Variants in TBC1D21 observed in about 807,000 individuals in gnomAD.
TBC1D21 encodes the protein TBC1 domain family member 21.
TBC1D21 carries 38 observed loss-of-function variants against 46.0 expected under a neutral mutation model. The ratio of observed to expected loss-of-function variants is 0.83; its 90% CI spans 0.64 to 1.08. The LOEUF is 1.08. Ranked by LOEUF, TBC1D21 falls within the 50% of genes least tolerant of loss-of-function variation. TBC1D21 has a pLI of 0.00. For synonymous variants in TBC1D21, 151 were observed against 157.2 expected (o/e 0.96, Z 0.29); for missense variants, 415 against 417.9 (o/e 0.99, Z 0.06).
chr15:73,898,058 G>T, the TBC1D21 span, among the ~76,000 whole-genome samples: 1 of 152,202 alleles, frequency 6.6e-6, no homozygotes, highest in African/African-American at 2.4e-5. Context: ...AGGAGAGCAG[G>T]GACCTCAGCT....
chr15:73,900,583 C>T, the TBC1D21 span, among the ~76,000 whole-genome samples: 1 of 152,166 alleles, frequency 6.6e-6, no homozygotes, highest in Admixed American at 6.5e-5. Context: ...TCGCTGGATC[C>T]AGGGAGTCAT....
At chr15:73,877,331 C>A (rs1213380915) in intron 1 of TBC1D21, among the ~76,000 whole-genome samples, 1 of 151,524 alleles carries the variant, frequency 6.6e-6, no homozygotes, top group Non-Finnish European at 1.5e-5. Context: ...CTATAAATTC[C>A]TAATTTTTAA....
the TBC1D21 span, among the ~76,000 whole-genome samples, chr15:73,898,421 C>A: frequency 6.6e-6 from 1 of 152,132 alleles, no homozygotes; most frequent in Non-Finnish European, 1.5e-5. Context: ...TGGTTTTCTA[C>A]GCCCAAGACC....
chr15:73,895,680 G>A, the TBC1D21 span, among the ~76,000 whole-genome samples: 3 of 152,142 alleles, frequency 2.0e-5, no homozygotes, highest in Non-Finnish European at 2.9e-5. Flanking sequence ...CAGATTAATG[G>A]CCTCAATCTT....
downstream of TBC1D21, among the ~76,000 whole-genome samples, chr15:73,889,954 A>G (rs1459183018): frequency 6.6e-6 from 1 of 152,194 alleles, no homozygotes; most frequent in African/African-American, 2.4e-5. Context: ...CTGAAACTGC[A>G]GAAGGGTTGG....
At position 73,877,551 on chromosome 15, in the gene TBC1D21, GAAAT is replaced by G. The variant is rs2068089526; in HGVS notation, c.60+3783_60+3786del. Among the ~76,000 whole-genome samples, 3 of 74,976 alleles carry G rather than the reference GAAAT, an allele frequency of 4.0e-5. 1 individual carries two copies. The highest frequency in any genetic ancestry group is 2.5e-5 in the Non-Finnish European group (1 of 39,466). 49.2% of individuals were successfully genotyped at this position (74,976 alleles called of 152,430 possible). On this transcript the variant is annotated intron_variant, in intron 1 of 10. Coordinates refer to ENST00000300504, the MANE Select transcript of TBC1D21 (RefSeq NM_153356.3). ...AAAAAAAAAAAAAAAAAAAAAAAAAGAAATCCCTACTCATTTTATGAGGCCAACA... is the reference window on the plus strand; with the variant it reads ...AAAAAAAAAAAAAAAAAAAAAAAAAGCCCTACTCATTTTATGAGGCCAACA...
chr15:73,899,643 A>G, the TBC1D21 span, among the ~76,000 whole-genome samples: 2 of 152,074 alleles, frequency 1.3e-5, no homozygotes, highest in Non-Finnish European at 2.9e-5. Flanking sequence ...CAGAGGAGAG[A>G]AAAGAGGAAC....
intron 3 of TBC1D21, 144 bp from the exon 4 acceptor site, chr15:73,884,007 G>T: frequency 1.4e-6 from 1 of 720,916 alleles, no homozygotes; most frequent in African/African-American, 1.7e-5. Flanking sequence ...AGGTTGAGAT[G>T]AGGGACAGCA....
chr15:73,900,613 C>T, the TBC1D21 span, among the ~76,000 whole-genome samples: 1 of 152,164 alleles, frequency 6.6e-6, no homozygotes, highest in African/African-American at 2.4e-5. Flanking sequence ...GTCTCAGGCC[C>T]AGGCACAAAG....
At chr15:73,900,907 G>C in the TBC1D21 span, among the ~76,000 whole-genome samples, 1 of 152,136 alleles carries the variant, frequency 6.6e-6, no homozygotes, top group Non-Finnish European at 1.5e-5. Flanking sequence ...AATAGCTACG[G>C]TTATTCCTAG....
chr15:73,879,689 G>A (rs1203453458), intron 1 of TBC1D21, among the ~76,000 whole-genome samples: 1 of 152,136 alleles, frequency 6.6e-6, no homozygotes, highest in Non-Finnish European at 1.5e-5. Flanking sequence ...TTAATTTTGA[G>A]TCACATATTC....
Position 73,883,582 on chromosome 15 carries a change from T to C in TBC1D21, c.273-569T>C, listed in dbSNP as rs73430691. ...GGATTTGGGGTCCACCTGGAAAGTC[T>C]TACGGATCTCGTCCGGAGATCCTTG... On this transcript the variant is annotated intron_variant, in intron 3 of 10. Coordinates refer to ENST00000300504, the MANE Select transcript of TBC1D21 (RefSeq NM_153356.3). Among the ~76,000 whole-genome samples, 1,263 of 152,330 alleles carry C rather than the reference T, an allele frequency of 8.3e-3. 16 individuals are homozygous for C. Among genetic ancestry groups the C allele is most frequent in the African/African-American group, 0.029 (1,202 of 41,570 alleles).
intron 8 of TBC1D21, 21 bp from the exon 9 acceptor site, chr15:73,887,599 C>G (rs1262653462): frequency 6.2e-7 from 1 of 1,610,004 alleles, no homozygotes; most frequent in South Asian, 1.1e-5. Context: ...AGGGCCCAGA[C>G]TGAGACGTCC....
chr15:73,881,832 C>CAGG, intron 3 of TBC1D21, 85 bp downstream of exon 3: 2 of 1,223,368 alleles, frequency 1.6e-6, no homozygotes, highest in Non-Finnish European at 2.4e-6. Flanking sequence ...CTATCTTCTG[C>CAGG]CCCCATGCAA....
intron 5 of TBC1D21, 26 bp from the exon 6 acceptor site, chr15:73,884,977 C>G (rs746116895): frequency 6.4e-7 from 1 of 1,570,086 alleles, no homozygotes; most frequent in South Asian, 1.1e-5. Flanking sequence ...CCCAGCCCCT[C>G]CTCCCCAACC....
intron 1 of TBC1D21, among the ~76,000 whole-genome samples, chr15:73,880,411 CTAAT>C (rs2068133273): frequency 1.3e-5 from 2 of 151,974 alleles, no homozygotes; most frequent in Admixed American, 6.5e-5. Context: ...ATAACTGTGT[CTAAT>C]TAATGCTTAT....
intron 8 of TBC1D21, among the ~76,000 whole-genome samples, 160 bp from the exon 9 acceptor site, chr15:73,887,448 CTGAGTGAGTGGA>C (rs1220680788): frequency 4.6e-5 from 7 of 152,224 alleles, no homozygotes; most frequent in African/African-American, 1.4e-4. Context: ...GAGCACATGC[CTGAGTGAGTGGA>C]TGAGTGAGTG....
At chr15:73,886,678 T>C (rs1210876451) in intron 8 of TBC1D21, 66 bp downstream of exon 8, 4 of 1,474,840 alleles carry the variant, frequency 2.7e-6, no homozygotes, top group Middle Eastern at 2.3e-4. Flanking sequence ...AAGCTGCAAG[T>C]CTTCCTTGCC....
downstream of TBC1D21, among the ~76,000 whole-genome samples, chr15:73,892,596 C>T (rs2068345844): frequency 6.6e-6 from 1 of 152,232 alleles, no homozygotes; most frequent in Non-Finnish European, 1.5e-5. Flanking sequence ...TCTGGAGCTG[C>T]CCCTCCCACC....
Sources: allele counts gnomAD v4.1 joint callset (sites outside exome capture counted in the v4.1 genomes callset), GRCh38; gene constraint gnomAD v4.1.1; transcripts MANE v1.5; gene names NCBI Gene and HGNC (gene_info 2026-07-23, HGNC 2026-07-21).